Variants in NRG3 observed in about 807,000 individuals in gnomAD.
NRG3 encodes pro-neuregulin-3, membrane-bound isoform.
NRG3 carries 31 observed loss-of-function variants against 66.9 expected under a neutral mutation model. The ratio of observed to expected loss-of-function variants is 0.46; its 90% CI spans 0.35 to 0.63. The LOEUF is 0.63. NRG3 is among the 20% of genes least tolerant of loss of function. The probability of loss-of-function intolerance (pLI) is 0.00; values close to 1 mark genes in which losing one functional copy is unlikely to be tolerated. For missense variants in NRG3, 910 were observed against 878.9 expected, an observed-to-expected ratio of 1.04 and a Z score of -0.45; for synonymous variants, 393 against 359.4, an observed-to-expected ratio of 1.09 and a Z score of -1.06.
chr10:82,801,392 G>A (rs547001420), intron 3 of NRG3, among the ~76,000 whole-genome samples: 8 of 152,092 alleles, frequency 5.3e-5, no homozygotes, highest in Non-Finnish European at 1.0e-4. Context: ...GATAGTGTTA[G>A]AAAAACATCT....
At chr10:82,160,442 A>G (rs1289738796) in intron 1 of NRG3, among the ~76,000 whole-genome samples, 1 of 151,960 alleles carries the variant, frequency 6.6e-6, no homozygotes, top group East Asian at 1.9e-4. Context: ...TATACAGATG[A>G]AAACATCGCT....
chr10:82,676,851 G>A (rs1187650726), intron 2 of NRG3, among the ~76,000 whole-genome samples: 1 of 151,238 alleles, frequency 6.6e-6, no homozygotes, highest in African/African-American at 2.4e-5. Flanking sequence ...TTTTTCTATT[G>A]TAGTTTGGAG....
intron 3 of NRG3, among the ~76,000 whole-genome samples, chr10:82,856,743 C>CAAAAAAAAAAA (rs371581250): frequency 6.0e-5 from 4 of 66,356 alleles, no homozygotes; most frequent in Admixed American, 1.8e-4. Context: ...GACTCTGTCT[C>CAAAAAAAAAAA]AAAAAAAAAA....
At chr10:81,927,152 G>A (rs1441363776) in intron 1 of NRG3, among the ~76,000 whole-genome samples, 1 of 152,142 alleles carries the variant, frequency 6.6e-6, no homozygotes, top group Non-Finnish European at 1.5e-5. Context: ...AGATGAATAT[G>A]ATCATATATC....
chr10:81,967,792 A>G (rs924674888), intron 1 of NRG3, among the ~76,000 whole-genome samples: 8 of 151,974 alleles, frequency 5.3e-5, no homozygotes, highest in Non-Finnish European at 1.2e-4. Context: ...TTCATTTCCT[A>G]TTCTTTCTAC....
intron 2 of NRG3, among the ~76,000 whole-genome samples, chr10:82,372,765 A>G (rs757428799): frequency 6.6e-6 from 1 of 152,056 alleles, no homozygotes; most frequent in Non-Finnish European, 1.5e-5. Context: ...AGCTAATTGT[A>G]GTATTTTTAG....
chr10:82,783,666 C>A lies in NRG3; in HGVS notation c.1027+45016C>A, dbSNP rs559690430. Among the ~76,000 whole-genome samples the A allele has an allele frequency of 8.7e-4, 133 of 152,250 alleles. 1 individual carries two copies. The highest frequency in any genetic ancestry group is 3.0e-3 in the African/African-American group (124 of 41,546). On this transcript the variant is annotated intron_variant, in intron 3 of 8. Coordinates refer to ENST00000372141, the MANE Select transcript of NRG3 (RefSeq NM_001010848.4). ...AACTTACAAGGGACGTGAAGGACCTCTTCAAGGAGAACTACAAACCACTGC... is the reference window on the plus strand; with the variant it reads ...AACTTACAAGGGACGTGAAGGACCTATTCAAGGAGAACTACAAACCACTGC...
chr10:82,631,588 GT>G (rs59620029), intron 2 of NRG3, among the ~76,000 whole-genome samples: 3,926 of 132,290 alleles, frequency 0.03, 65 homozygotes, highest in Non-Finnish European at 0.032. Flanking sequence ...TTCAGCCGTG[GT>G]TTTTTTTTTT....
At chr10:82,219,956 A>T (rs1589363988) in intron 1 of NRG3, among the ~76,000 whole-genome samples, 1 of 152,208 alleles carries the variant, frequency 6.6e-6, no homozygotes, top group Non-Finnish European at 1.5e-5. Context: ...TACGAGAGTA[A>T]ATAATAAGTA....
At chr10:82,933,143 G>A (rs887066710) in intron 4 of NRG3, among the ~76,000 whole-genome samples, 4 of 152,220 alleles carry the variant, frequency 2.6e-5, no homozygotes, top group Non-Finnish European at 5.9e-5. Flanking sequence ...TCACAACCCT[G>A]TAGTCCAGGC....
At chr10:82,851,924 T>C (rs12411578) in intron 3 of NRG3, among the ~76,000 whole-genome samples, 36,712 of 151,976 alleles carry the variant, frequency 0.24, 4,916 homozygotes, top group East Asian at 0.52. Flanking sequence ...AGTATGTAGA[T>C]ATAAAACATT....
At chr10:81,893,175 C>T (rs7091061) in intron 1 of NRG3, among the ~76,000 whole-genome samples, 33,540 of 152,022 alleles carry the variant, frequency 0.22, 4,880 homozygotes, top group African/African-American at 0.42. Context: ...TCTTCTCTTT[C>T]TGTTCAATAT....
chr10:82,599,454 G>C (rs1047801866), intron 2 of NRG3, among the ~76,000 whole-genome samples: 1 of 152,118 alleles, frequency 6.6e-6, no homozygotes, highest in Non-Finnish European at 1.5e-5. Context: ...TTCAAACCAA[G>C]TATAAAGTAC....
At chr10:82,357,359 C>A (rs1377996892) in intron 1 of NRG3, among the ~76,000 whole-genome samples, 1 of 152,176 alleles carries the variant, frequency 6.6e-6, no homozygotes, top group Non-Finnish European at 1.5e-5. Flanking sequence ...ACTGCTCGCT[C>A]ACCATCAGTT....
rs1201439502 is a variant in NRG3 at position 82,682,950 on chromosome 10, T to C, written c.954-55627T>C. 7.0e-3 allele frequency among the ~76,000 whole-genome samples: 601 copies of C among 85,778 alleles called. 7 individuals are homozygous for C. Among genetic ancestry groups the C allele is most frequent in the African/African-American group, 0.035 (571 of 16,482 alleles). 56.3% of individuals were successfully genotyped at this position (85,778 alleles called of 152,430 possible). On this transcript the variant is annotated intron_variant, in intron 2 of 8. Coordinates refer to ENST00000372141, the MANE Select transcript of NRG3 (RefSeq NM_001010848.4). ...GAAAATACAGACCATGTCTTAATTT[T>C]TTTTTTTTTTTTTTTTTTTTTTTTC...
intron 1 of NRG3, chr10:82,232,214 T>C (rs1189555559): frequency 6.5e-6 from 1 of 152,680 alleles, no homozygotes; most frequent in Non-Finnish European, 1.5e-5. Context: ...CAAGATAAGC[T>C]CCAGTGTATG....
At chr10:82,908,096 G>A (rs1376979052) in intron 4 of NRG3, among the ~76,000 whole-genome samples, 1 of 152,190 alleles carries the variant, frequency 6.6e-6, no homozygotes, top group African/African-American at 2.4e-5. Flanking sequence ...CAAGCCTGAT[G>A]AAGCATCTCA....
intron 1 of NRG3, among the ~76,000 whole-genome samples, chr10:82,257,110 C>T (rs1422302927): frequency 6.6e-6 from 1 of 152,144 alleles, no homozygotes; most frequent in East Asian, 1.9e-4. Context: ...TCAAAAGGAG[C>T]TAGAACCCTG....
At chr10:82,665,350 AT>A (rs2052682306) in intron 2 of NRG3, among the ~76,000 whole-genome samples, 1 of 152,132 alleles carries the variant, frequency 6.6e-6, no homozygotes, top group African/African-American at 2.4e-5. Context: ...ATCATCAACA[AT>A]TTTTTGTAGA....
Sources: gnomAD v4.1 joint callset for allele counts (sites outside exome capture counted in the v4.1 genomes callset) on GRCh38, gnomAD v4.1.1 for gene constraint, MANE v1.5 for transcripts, NCBI Gene and HGNC (gene_info 2026-07-23, HGNC 2026-07-21) for gene names.